The following RASAL2 variants were observed in gnomAD, a reference collection of about 807,000 sequenced individuals.
RASAL2 encodes ras GTPase-activating protein nGAP.
RASAL2 carries 58 observed loss-of-function variants against 128.9 expected under a neutral mutation model. That is an observed-to-expected ratio of 0.45 (90% CI 0.36 to 0.56). The LOEUF (loss-of-function observed/expected upper bound fraction) is 0.56. RASAL2 is among the 20% of genes least tolerant of loss of function. The pLI is 0.00. For missense variants in RASAL2, 1,360 were observed against 1,601.6 expected, an observed-to-expected ratio of 0.85 and a Z score of 2.57; for synonymous variants, 561 against 580.8, an observed-to-expected ratio of 0.97 and a Z score of 0.49.
rs185550546 is a variant in RASAL2 at position 178,230,368 on chromosome 1, G to A, written c.203-53196G>A. 2.6e-5 allele frequency among the ~76,000 whole-genome samples: 4 copies of A among 152,268 alleles called. No individual in the cohort carries two copies. In the East Asian group the frequency reaches 7.7e-4, roughly 29 times the overall value. ...TATGCTTAACTTTTTTTAAAAAACT[G>A]CAAACATGTTCCATAGAAATTGTAC... On this transcript the variant is annotated intron_variant, in intron 1 of 17. Transcript: ENST00000367649.
intron 1 of RASAL2, among the ~76,000 whole-genome samples, chr1:178,209,450 G>A (rs1652079392): frequency 6.6e-6 from 1 of 152,054 alleles, no homozygotes; most frequent in Non-Finnish European, 1.5e-5. Flanking sequence ...TATTTTAGAG[G>A]CATTCAGTGT....
chr1:178,122,148 C>G (rs1487848721), intron 1 of RASAL2, among the ~76,000 whole-genome samples: 1 of 152,166 alleles, frequency 6.6e-6, no homozygotes, highest in Non-Finnish European at 1.5e-5. Context: ...CTCATTGTTA[C>G]TGCTGAAATA....
chr1:178,387,889 C>A (rs1672675667), intron 3 of RASAL2, among the ~76,000 whole-genome samples: 1 of 152,054 alleles, frequency 6.6e-6, no homozygotes, highest in African/African-American at 2.4e-5. Flanking sequence ...AGCATTGAAA[C>A]ATATTCATTT....
At chr1:178,105,123 T>TA (rs1659040996) in intron 1 of RASAL2, among the ~76,000 whole-genome samples, 1 of 152,208 alleles carries the variant, frequency 6.6e-6, no homozygotes, top group Non-Finnish European at 1.5e-5. Context: ...CCCAGTTTTA[T>TA]AGCATGGGAT....
At chr1:178,224,119 G>A (rs1663708608) in intron 1 of RASAL2, among the ~76,000 whole-genome samples, 1 of 152,012 alleles carries the variant, frequency 6.6e-6, no homozygotes, top group South Asian at 2.1e-4. Flanking sequence ...AGGATGTCAA[G>A]GATCCAGCTT....
intron 3 of RASAL2, among the ~76,000 whole-genome samples, chr1:178,365,285 T>C (rs1671338417): frequency 6.6e-6 from 1 of 152,184 alleles, no homozygotes; most frequent in Non-Finnish European, 1.5e-5. Flanking sequence ...CCTTATATGA[T>C]CATATAATAC....
intron 3 of RASAL2, among the ~76,000 whole-genome samples, chr1:178,367,810 C>T (rs552597577): frequency 2.6e-5 from 4 of 152,170 alleles, no homozygotes; most frequent in South Asian, 4.2e-4. Flanking sequence ...GGAAATAAAA[C>T]GTTATTTGAC....
intron 3 of RASAL2, among the ~76,000 whole-genome samples, chr1:178,350,228 T>C (rs561372051): frequency 3.3e-4 from 51 of 152,312 alleles, no homozygotes; most frequent in Non-Finnish European, 5.7e-4. Context: ...CTCTCTCTCT[T>C]TCTCTGTTGA....
intron 1 of RASAL2, among the ~76,000 whole-genome samples, chr1:178,137,138 G>T (rs190579612): frequency 1.3e-5 from 2 of 152,126 alleles, no homozygotes; most frequent in Admixed American, 6.5e-5. Context: ...GTTAACTTCC[G>T]TGGAGGAATT....
intron 1 of RASAL2, among the ~76,000 whole-genome samples, chr1:178,159,772 TA>T (rs1661210689): frequency 6.6e-6 from 1 of 151,834 alleles, no homozygotes; most frequent in Admixed American, 6.6e-5. Context: ...TTACTAAAAA[TA>T]AAAAAGTTGA....
At chr1:178,125,281 A>G (rs1441376098) in intron 1 of RASAL2, 2 of 152,130 alleles carry the variant, frequency 1.3e-5, no homozygotes, top group East Asian at 1.9e-4. Flanking sequence ...CTGAGAATAT[A>G]TTTTACTACC....
Position 178,094,391 on chromosome 1 carries a change from C to A in RASAL2, c.-102C>A, listed in dbSNP as rs1426196706. On this transcript the variant is annotated 5_prime_UTR_variant, in exon 1 of 18. Transcript: ENST00000367649. ...CGGCTGCCGCTCGGGTCCCTGCCCT[C>A]GCTGCGCGCTCTCCTCCTCCCCTTA... 3.5e-6 allele frequency: 4 copies of A among 1,152,840 alleles called. No individual in the cohort carries two copies. Among genetic ancestry groups the A allele is most frequent in the Admixed American group, 3.2e-5 (1 of 31,716 alleles). The allele number at this position is 1,152,840 out of a possible 1,614,324, so 71.4% of individuals were successfully genotyped here.
At chr1:178,376,459 G>C (rs1335933498) in intron 3 of RASAL2, among the ~76,000 whole-genome samples, 1 of 152,050 alleles carries the variant, frequency 6.6e-6, no homozygotes, top group Non-Finnish European at 1.5e-5. Flanking sequence ...GAACCTACAA[G>C]AATAAAGACT....
At chr1:178,148,097 A>G (rs376859483) in intron 1 of RASAL2, among the ~76,000 whole-genome samples, 2 of 152,126 alleles carry the variant, frequency 1.3e-5, no homozygotes, top group East Asian at 3.9e-4. Flanking sequence ...TTAAAAAAAT[A>G]AAATGATTGA....
intron 1 of RASAL2, among the ~76,000 whole-genome samples, chr1:178,170,269 G>A (rs1217032723): frequency 1.3e-5 from 2 of 151,810 alleles, no homozygotes; most frequent in Non-Finnish European, 2.9e-5. Flanking sequence ...TATTTATAAA[G>A]ATACAGCAAA....
chr1:178,438,876 C>G (rs1676427131), intron 5 of RASAL2, among the ~76,000 whole-genome samples: 1 of 96,932 alleles, frequency 1.0e-5, no homozygotes, highest in Non-Finnish European at 2.2e-5. Flanking sequence ...AGTTGAGCTT[C>G]GACTCTGTGT....
chr1:178,452,567 C>G lies in RASAL2; in HGVS notation c.1924C>G (p.Leu642Val), dbSNP rs749097855. Reference sequence around the variant, plus strand: ...CATTATGTCTCCCAGTCTTTTCAACCTTATGCAGGAGTATCCTGATGACCG... The same window carrying G: ...CATTATGTCTCCCAGTCTTTTCAACGTTATGCAGGAGTATCCTGATGACCG... ...PAIMSPSLFN[L>V]MQEYPDDRTS... Residue 642 changes from leucine (L) to valine (V), a missense_variant, in exon 11 of 18, where the codon CTT (leucine) becomes GTT (valine). Transcript: ENST00000367649. 1.1e-5 allele frequency: 18 copies of G among 1,614,058 alleles called. No individual in the cohort carries two copies. Among genetic ancestry groups the G allele is most frequent in the Non-Finnish European group, 1.4e-5 (17 of 1,179,958 alleles).
intron 3 of RASAL2, among the ~76,000 whole-genome samples, chr1:178,349,725 TTGA>T (rs1310859126): frequency 1.3e-5 from 2 of 152,032 alleles, no homozygotes; most frequent in African/African-American, 4.8e-5. Flanking sequence ...TACTAAAGAG[TTGA>T]TGATACAAAT....
In RASAL2 at chr1:178,094,677, G is replaced by C. The variant is rs144829800; in HGVS notation, c.185G>C (p.Ser62Thr). ...ILLESVCQQQSWVRVYDVKGP... is the reference protein window; with the variant it reads ...ILLESVCQQQTWVRVYDVKGP... ...CTGGAGTCCGTGTGCCAGCAACAGA[G>C]CTGGGTCCGGGTGTACGGTAAGGAC... The change falls in exon 1 of 18, where the codon AGC becomes ACC. Residue 62 changes from serine to threonine, a missense_variant. By Grantham distance (58) the Ser-to-Thr change is moderately conservative. Transcript: ENST00000367649. The C allele has an allele frequency of 2.8e-4, 451 of 1,614,114 alleles. 1 individual carries two copies. In the Middle Eastern group the frequency reaches 3.6e-3, roughly 13 times the overall value.
Sources: gnomAD v4.1 joint callset for allele counts (sites outside exome capture counted in the v4.1 genomes callset) on GRCh38, gnomAD v4.1.1 for gene constraint, MANE v1.5 for transcripts, NCBI Gene and HGNC (gene_info 2026-07-23, HGNC 2026-07-21) for gene names.